SGCD: variants seen among roughly 807,000 people sequenced by gnomAD.
SGCD encodes sarcoglycan delta.
Under a neutral mutation model 36.6 loss-of-function variants are expected in SGCD, and 18 were observed. The ratio of observed to expected loss-of-function variants is 0.49; its 90% CI spans 0.34 to 0.73. SGCD has a LOEUF of 0.73. SGCD is among the 30% of genes least tolerant of loss of function. The pLI, the probability that SGCD is intolerant of heterozygous loss-of-function variation, is 0.01. For missense variants in SGCD, 387 were observed against 346.7 expected, an observed-to-expected ratio of 1.12 and a Z score of -0.92; for synonymous variants, 133 against 130.6, an observed-to-expected ratio of 1.02 and a Z score of -0.12.
chr5:155,967,728 C>T (rs1389444804), intron 1 of SGCD, among the ~76,000 whole-genome samples: 1 of 152,062 alleles, frequency 6.6e-6, no homozygotes, highest in African/African-American at 2.4e-5. Context: ...GTAATGACTT[C>T]TGAGGCAGCC....
intron 1 of SGCD, among the ~76,000 whole-genome samples, chr5:155,879,636 G>A (rs545658978): frequency 6.6e-6 from 1 of 152,142 alleles, no homozygotes; most frequent in East Asian, 1.9e-4. Flanking sequence ...TAAAATATAT[G>A]GAGAAAAGGC....
rs763514040 is a variant in SGCD at position 156,146,074 on chromosome 5, G to A, written c.-44+22055G>A. Among the ~76,000 whole-genome samples the A allele has an allele frequency of 1.6e-4, 24 of 152,086 alleles. 1 individual carries two copies. Among genetic ancestry groups the A allele is most frequent in the Admixed American group, 5.9e-4 (9 of 15,272 alleles). On this transcript the variant is annotated intron_variant, in intron 3 of 9. Transcript: ENST00000517913. Reference sequence around the variant, plus strand: ...TAAAAATACAAAAAATTAGCTGGGCGTAGTTGTGGGCGCCTGTAGTCCCAG... The same window carrying A: ...TAAAAATACAAAAAATTAGCTGGGCATAGTTGTGGGCGCCTGTAGTCCCAG...
intron 1 of SGCD, among the ~76,000 whole-genome samples, chr5:156,092,456 G>T (rs1388051149): frequency 6.6e-6 from 1 of 152,142 alleles, no homozygotes; most frequent in Non-Finnish European, 1.5e-5. Context: ...TATCATAGCA[G>T]AACTCCTTTA....
intron 3 of SGCD, among the ~76,000 whole-genome samples, chr5:156,357,678 C>T (rs1439650847): frequency 6.6e-6 from 1 of 152,184 alleles, no homozygotes; most frequent in African/African-American, 2.4e-5. Flanking sequence ...ATGTAAACTG[C>T]TTGTTGCTTT....
chr5:156,587,314 A>G (rs1344805081), intron 4 of SGCD, among the ~76,000 whole-genome samples: 2 of 152,166 alleles, frequency 1.3e-5, no homozygotes, highest in African/African-American at 2.4e-5. Flanking sequence ...CGTGGTTTTC[A>G]CTATTTATCT....
intron 6 of SGCD, among the ~76,000 whole-genome samples, chr5:156,603,688 T>C (rs994980564): frequency 2.0e-5 from 3 of 152,078 alleles, no homozygotes; most frequent in South Asian, 2.1e-4. Flanking sequence ...GAGACTGTTG[T>C]TTACATGTAT....
intron 3 of SGCD, among the ~76,000 whole-genome samples, chr5:156,376,617 G>T (rs1460626183): frequency 6.6e-6 from 1 of 152,162 alleles, no homozygotes; most frequent in Non-Finnish European, 1.5e-5. Flanking sequence ...ACTTTTAGGT[G>T]ATCAGAGTAG....
chr5:156,590,827 T>A (rs370842825), intron 5 of SGCD, among the ~76,000 whole-genome samples: 2 of 150,130 alleles, frequency 1.3e-5, no homozygotes, highest in South Asian at 4.4e-4. Flanking sequence ...CTCTCCCTAT[T>A]CCTTCCCCTC....
chr5:155,800,642 G>A, the SGCD span, among the ~76,000 whole-genome samples: 7 of 151,806 alleles, frequency 4.6e-5, no homozygotes, highest in Non-Finnish European at 1.5e-5. Flanking sequence ...CTGGAGTTGT[G>A]TCTTTTTTCA....
chr5:155,752,344 C>G, the SGCD span, among the ~76,000 whole-genome samples: 1 of 152,168 alleles, frequency 6.6e-6, no homozygotes, highest in African/African-American at 2.4e-5. Context: ...TGCCACTTGG[C>G]CACCTCAGAG....
intron 3 of SGCD, among the ~76,000 whole-genome samples, chr5:156,271,457 G>A (rs568769269): frequency 8.5e-5 from 13 of 152,242 alleles, no homozygotes; most frequent in African/African-American, 3.1e-4. Context: ...GCCAGGGCAG[G>A]GGAGGGAAAC....
At chr5:156,387,273 T>C (rs1307701742) in intron 3 of SGCD, among the ~76,000 whole-genome samples, 1 of 152,168 alleles carries the variant, frequency 6.6e-6, no homozygotes, top group Non-Finnish European at 1.5e-5. Context: ...TGGTGACATT[T>C]CAAGATTGTA....
In SGCD at chr5:156,210,204, C is replaced by A. The variant is rs1418022567; in HGVS notation, c.-44+86185C>A. Among the ~76,000 whole-genome samples, 491 of 152,314 alleles carry A rather than the reference C, an allele frequency of 3.2e-3. 5 individuals carry two copies. The highest frequency in any genetic ancestry group is 3.1e-3 in the Non-Finnish European group (211 of 68,026). ...GCCGACCCAGGCAATAGGCACCCATCTGCTCACCTAGGCCAGCCTGCTTAA... is the reference window on the plus strand; with the variant it reads ...GCCGACCCAGGCAATAGGCACCCATATGCTCACCTAGGCCAGCCTGCTTAA... On this transcript the variant is annotated intron_variant, in intron 3 of 9. Transcript: ENST00000517913.
the SGCD span, among the ~76,000 whole-genome samples, chr5:155,826,863 T>C: frequency 5.3e-5 from 8 of 152,332 alleles, no homozygotes; most frequent in East Asian, 1.5e-3. Flanking sequence ...CTAGTTTCCA[T>C]GAAAGGGCTA....
intron 7 of SGCD, among the ~76,000 whole-genome samples, chr5:156,739,204 G>C (rs900248945): frequency 1.3e-5 from 2 of 152,012 alleles, no homozygotes; most frequent in African/African-American, 2.4e-5. Context: ...ATCTTAAGTT[G>C]TTCAGAATCA....
intron 1 of SGCD, among the ~76,000 whole-genome samples, chr5:156,023,183 G>T (rs1266084018): frequency 6.6e-6 from 1 of 152,184 alleles, no homozygotes; most frequent in Non-Finnish European, 1.5e-5. Flanking sequence ...TTAAATTAGG[G>T]CACATGTGTA....
intron 1 of SGCD, among the ~76,000 whole-genome samples, chr5:156,022,353 T>A (rs979859936): frequency 6.6e-6 from 1 of 152,208 alleles, no homozygotes; most frequent in Non-Finnish European, 1.5e-5. Flanking sequence ...ACAGTAGAAA[T>A]GTGAAATTAA....
intron 6 of SGCD, among the ~76,000 whole-genome samples, chr5:156,624,899 T>A (rs531221340): frequency 5.3e-5 from 8 of 152,322 alleles, no homozygotes; most frequent in Non-Finnish European, 7.3e-5. Context: ...CCTAGAGAAC[T>A]GACATGTGAT....
At chr5:156,386,195 G>T (rs1421356161) in intron 3 of SGCD, among the ~76,000 whole-genome samples, 1 of 152,212 alleles carries the variant, frequency 6.6e-6, no homozygotes, top group Non-Finnish European at 1.5e-5. Flanking sequence ...TGTGTGGTCA[G>T]CAGTGTGATC....
Sources: allele counts gnomAD v4.1 joint callset (sites outside exome capture counted in the v4.1 genomes callset), GRCh38; gene constraint gnomAD v4.1.1; transcripts MANE v1.5; gene names NCBI Gene and HGNC (gene_info 2026-07-23, HGNC 2026-07-21).